SAE1: variants seen among roughly 807,000 people sequenced by gnomAD.
SAE1 encodes the protein SUMO1 activating enzyme subunit 1, also known as SUMO-activating enzyme subunit 1.
A neutral mutation model predicts 40.6 loss-of-function variants in SAE1; 11 were observed. The observed-to-expected ratio is 0.27, with a 90% CI of 0.17 to 0.45. The LOEUF is 0.45. SAE1 is among the 20% of genes least tolerant of loss of function. The pLI is 1.00. For missense variants in SAE1, 373 were observed against 427.3 expected (o/e 0.87, Z 1.12); for synonymous variants, 155 against 154.3 (o/e 1.00, Z -0.03).
chr19:47,202,400 GCCTCAA>G (rs2123322147), intron 7 of SAE1, among the ~76,000 whole-genome samples: 1 of 151,992 alleles, frequency 6.6e-6, no homozygotes, highest in East Asian at 2.0e-4. Context: ...CGATTCTCCT[GCCTCAA>G]CCTCCTGAGT....
intron 1 of SAE1, among the ~76,000 whole-genome samples, chr19:47,135,911 C>T (rs552109666): frequency 3.3e-4 from 50 of 152,144 alleles, no homozygotes; most frequent in Middle Eastern, 3.4e-3. Flanking sequence ...TCACGCCATT[C>T]TCCTGCCTCA....
intron 6 of SAE1, among the ~76,000 whole-genome samples, chr19:47,179,166 T>C (rs1349711194): frequency 8.7e-5 from 12 of 138,496 alleles, no homozygotes; most frequent in African/African-American, 2.8e-4. Context: ...CACTCCAGCA[T>C]GGGCGACAGA....
chr19:47,191,006 GAAGCACA>G (rs1033563217), intron 6 of SAE1, among the ~76,000 whole-genome samples: 1 of 152,222 alleles, frequency 6.6e-6, no homozygotes, highest in African/African-American at 2.4e-5. Context: ...TTAGGGTTAA[GAAGCACA>G]AATTCTGAAG....
chr19:47,148,144 A>G (rs1568588389), intron 2 of SAE1, among the ~76,000 whole-genome samples: 1 of 152,028 alleles, frequency 6.6e-6, no homozygotes, highest in Non-Finnish European at 1.5e-5. Context: ...TTGAGCCAGG[A>G]TTTGAATCAA....
chr19:47,168,647 G>C (rs2058411320), intron 5 of SAE1, among the ~76,000 whole-genome samples: 1 of 152,026 alleles, frequency 6.6e-6, no homozygotes, highest in African/African-American at 2.4e-5. Flanking sequence ...TTGTTGCTGA[G>C]GCTGGAGTGC....
intron 6 of SAE1, among the ~76,000 whole-genome samples, chr19:47,193,126 C>T (rs539881265): frequency 7.0e-4 from 105 of 150,090 alleles, no homozygotes; most frequent in African/African-American, 2.4e-3. Flanking sequence ...GGCACAATCT[C>T]GGCTCACTGC....
chr19:47,138,065 C>T (rs553146297), intron 1 of SAE1, among the ~76,000 whole-genome samples: 11 of 147,522 alleles, frequency 7.5e-5, no homozygotes, highest in South Asian at 2.2e-4. Context: ...TTTTTTGAGA[C>T]GGAATTTCTC....
At position 47,132,013 on chromosome 19, in the gene SAE1, G is replaced by A. The variant is rs192750484; in HGVS notation, c.98+985G>A. ...ACCGCGCCAGGACGTCTTTTGTTTT[G>A]TGCAGTTGGGTGACCTCGGTTCACT... On this transcript the variant is annotated intron_variant, in intron 1 of 8. Transcript: ENST00000270225. 1.7e-4 allele frequency among the ~76,000 whole-genome samples: 26 copies of A among 151,606 alleles called. 1 individual carries two copies. The highest frequency in any genetic ancestry group is 1.4e-3 in the Admixed American group (21 of 15,208).
intron 1 of SAE1, among the ~76,000 whole-genome samples, chr19:47,138,660 C>G (rs4802332): frequency 0.12 from 18,674 of 152,086 alleles, 1,271 homozygotes; most frequent in Middle Eastern, 0.23. Context: ...AGTTTACATT[C>G]TAATGGAGGA....
chr19:47,137,257 G>T (rs987205421), intron 1 of SAE1, among the ~76,000 whole-genome samples: 2 of 151,970 alleles, frequency 1.3e-5, no homozygotes, highest in African/African-American at 4.8e-5. Flanking sequence ...GTGTGGTGGT[G>T]GGTGCTTGTA....
chr19:47,168,428 T>G (rs2058409343), intron 5 of SAE1, among the ~76,000 whole-genome samples: 1 of 151,776 alleles, frequency 6.6e-6, no homozygotes, highest in South Asian at 2.1e-4. Context: ...CTCAGCCTCC[T>G]GTGAAGCTGG....
chr19:47,170,501 G>A (rs966081859), intron 6 of SAE1, among the ~76,000 whole-genome samples: 10 of 93,012 alleles, frequency 1.1e-4, no homozygotes, highest in Non-Finnish European at 1.5e-4. Context: ...ACCGCCCCCC[G>A]CCTTTTTTTT....
intron 6 of SAE1, among the ~76,000 whole-genome samples, chr19:47,192,824 G>A (rs1017393340): frequency 3.3e-5 from 5 of 152,236 alleles, no homozygotes; most frequent in Admixed American, 2.0e-4. Context: ...ACAGGTGTGA[G>A]CCACTGCACC....
chr19:47,167,816 A>G (rs904860330), intron 5 of SAE1, among the ~76,000 whole-genome samples: 4 of 152,158 alleles, frequency 2.6e-5, no homozygotes, highest in South Asian at 2.1e-4. Flanking sequence ...CTGGCCTAAA[A>G]TAATTTTTTT....
intron 7 of SAE1, among the ~76,000 whole-genome samples, chr19:47,201,704 G>A (rs1418691398): frequency 6.6e-6 from 1 of 151,862 alleles, no homozygotes; most frequent in African/African-American, 2.4e-5. Context: ...CACCATCTCG[G>A]CTCACTGCAA....
At chr19:47,182,039 G>C (rs1441926815) in intron 6 of SAE1, among the ~76,000 whole-genome samples, 2 of 151,884 alleles carry the variant, frequency 1.3e-5, no homozygotes, top group Admixed American at 1.3e-4. Flanking sequence ...TCCCACTTCT[G>C]CCTCCCAAAG....
intron 4 of SAE1, 74 bp from the exon 5 acceptor site, chr19:47,155,040 G>C (rs748049994): frequency 1.3e-5 from 12 of 938,592 alleles, no homozygotes; most frequent in Non-Finnish European, 1.7e-5. Flanking sequence ...TCTGTGACCT[G>C]GAGAGGCTTT....
intron 1 of SAE1, among the ~76,000 whole-genome samples, chr19:47,134,150 C>T (rs1010303790): frequency 3.3e-5 from 5 of 152,076 alleles, no homozygotes; most frequent in Non-Finnish European, 5.9e-5. Flanking sequence ...TGTGAGCCAC[C>T]ATGCCCGGCC....
chr19:47,131,539 T>G (rs916777707), intron 1 of SAE1, among the ~76,000 whole-genome samples: 45 of 151,844 alleles, frequency 3.0e-4, no homozygotes, highest in African/African-American at 9.9e-4. Flanking sequence ...TTGAGGAGTT[T>G]TGGAGCAAGT....
Sources: allele counts gnomAD v4.1 joint callset (sites outside exome capture counted in the v4.1 genomes callset), GRCh38; gene constraint gnomAD v4.1.1; transcripts MANE v1.5; gene names NCBI Gene and HGNC (gene_info 2026-07-23, HGNC 2026-07-21).